NPAS3: variants seen among roughly 807,000 people sequenced by gnomAD.
The protein encoded by NPAS3 is neuronal PAS domain protein 3.
Under a neutral mutation model 73.1 loss-of-function variants are expected in NPAS3, and 14 were observed. That is an observed-to-expected ratio of 0.19 (90% CI 0.13 to 0.30). The LOEUF is 0.30. Ranked by LOEUF, NPAS3 falls within the 10% of genes least tolerant of loss-of-function variation. The pLI is 1.00. For synonymous variants in NPAS3, 620 were observed against 541.5 expected (o/e 1.14, Z -2.01); for missense variants, 1,096 against 1,250.0 (o/e 0.88, Z 1.86).
intron 2 of NPAS3, among the ~76,000 whole-genome samples, chr14:33,178,666 A>G (rs2045686122): frequency 6.6e-6 from 1 of 152,104 alleles, no homozygotes; most frequent in African/African-American, 2.4e-5. Flanking sequence ...TTGTCTGTAG[A>G]TCTTGTAACC....
intron 5 of NPAS3, among the ~76,000 whole-genome samples, chr14:33,656,753 T>C (rs1165360973): frequency 2.0e-5 from 3 of 152,218 alleles, no homozygotes. Flanking sequence ...AAATTTTAAA[T>C]ATACAATACA....
upstream of NPAS3, among the ~76,000 whole-genome samples, chr14:32,937,310 A>T (rs1215718500): frequency 2.0e-5 from 3 of 152,126 alleles, no homozygotes; most frequent in African/African-American, 7.2e-5. Context: ...CCAAAAAATT[A>T]TTTTTAAGTA....
rs576132874 is a variant in NPAS3 at position 33,446,224 on chromosome 14, G to A, written c.468+78956G>A. The stretch of plus-strand genomic sequence containing the variant: ...CGCTCTGTCGCCCAGGCCGGACTGC[G>A]GACTGCAGTGGCGCAATCTCGGCTC... On this transcript the variant is annotated intron_variant, in intron 4 of 11. Transcript: ENST00000356141. Among the ~76,000 whole-genome samples the A allele has an allele frequency of 5.2e-4, 74 of 142,624 alleles. 1 individual carries two copies. The highest frequency in any genetic ancestry group is 1.7e-3 in the African/African-American group (66 of 38,064). The allele number at this position is 142,624 out of a possible 152,430, so 93.6% of individuals were successfully genotyped here. A position where few individuals can be genotyped will look rare whatever the true frequency, so the allele number is the denominator to read the frequency against.
At chr14:32,964,584 G>T (rs113121883) in intron 1 of NPAS3, among the ~76,000 whole-genome samples, 1 of 152,192 alleles carries the variant, frequency 6.6e-6, no homozygotes, top group African/African-American at 2.4e-5. Context: ...AAATTCTGAA[G>T]ATTTAATAGA....
At chr14:33,319,076 G>A (rs1201104574) in intron 3 of NPAS3, among the ~76,000 whole-genome samples, 1 of 151,662 alleles carries the variant, frequency 6.6e-6, no homozygotes, top group Non-Finnish European at 1.5e-5. Flanking sequence ...CCTGGCACAT[G>A]GGCTGGGCTT....
intron 5 of NPAS3, among the ~76,000 whole-genome samples, chr14:33,587,810 A>G (rs989050669): frequency 3.9e-5 from 6 of 152,226 alleles, no homozygotes; most frequent in Admixed American, 3.9e-4. Context: ...CAAATCATAA[A>G]TTATCATATA....
intron 1 of NPAS3, among the ~76,000 whole-genome samples, chr14:32,960,506 A>G (rs2139217066): frequency 6.6e-6 from 1 of 152,334 alleles, no homozygotes; most frequent in Admixed American, 6.5e-5. Context: ...ACCACAGTGG[A>G]ATGTCAAATT....
chr14:33,255,268 C>T (rs889806532), intron 3 of NPAS3, among the ~76,000 whole-genome samples: 2 of 152,166 alleles, frequency 1.3e-5, no homozygotes, highest in South Asian at 2.1e-4. Context: ...TCAGAAGATA[C>T]CCTGCCAGTG....
intron 7 of NPAS3, among the ~76,000 whole-genome samples, chr14:33,740,980 T>C (rs1322734137): frequency 6.6e-6 from 1 of 152,144 alleles, no homozygotes; most frequent in African/African-American, 2.4e-5. Context: ...CTGATTCTTA[T>C]GGAGTTTTAA....
At position 33,728,305 on chromosome 14, in the gene NPAS3, G is replaced by T. The variant is rs560355918; in HGVS notation, c.734-6909G>T. 6.0e-4 allele frequency among the ~76,000 whole-genome samples: 92 copies of T among 152,224 alleles called. 1 individual carries two copies. In the South Asian group the frequency reaches 0.018, roughly 30 times the overall value. ...GGCAGACTATTATTTTCATATTTTA[G>T]GTGGGTTATTTTTAACGTTACTGTT... is the stretch of plus-strand genomic sequence containing the variant. On this transcript the variant is annotated intron_variant, in intron 6 of 11. Transcript: ENST00000356141.
intron 3 of NPAS3, among the ~76,000 whole-genome samples, chr14:33,241,585 A>G (rs747166087): frequency 6.6e-6 from 1 of 151,984 alleles, no homozygotes; most frequent in Non-Finnish European, 1.5e-5. Context: ...ACATTTTGCT[A>G]TTACAAGTAA....
intron 5 of NPAS3, among the ~76,000 whole-genome samples, chr14:33,622,071 G>A (rs1367214294): frequency 6.6e-6 from 1 of 152,168 alleles, no homozygotes; most frequent in East Asian, 1.9e-4. Flanking sequence ...GAAATGATGT[G>A]AAGTGGCAAT....
intron 1 of NPAS3, among the ~76,000 whole-genome samples, chr14:33,052,108 T>C (rs990959644): frequency 2.0e-5 from 3 of 152,192 alleles, no homozygotes; most frequent in African/African-American, 7.2e-5. Context: ...AAATTATAAG[T>C]AGGTTTTGAA....
intron 2 of NPAS3, among the ~76,000 whole-genome samples, chr14:33,137,497 A>G (rs1403496556): frequency 1.3e-5 from 2 of 152,190 alleles, no homozygotes; most frequent in African/African-American, 2.4e-5. Flanking sequence ...AGGCCATTAT[A>G]ATTGGTACTA....
intron 6 of NPAS3, among the ~76,000 whole-genome samples, chr14:33,732,717 G>A (rs934000740): frequency 1.3e-5 from 2 of 152,246 alleles, no homozygotes; most frequent in East Asian, 1.9e-4. Flanking sequence ...AGGCAAAACC[G>A]ACCTTAACAC....
chr14:33,064,312 G>T (rs561414905), intron 2 of NPAS3, among the ~76,000 whole-genome samples: 29 of 152,238 alleles, frequency 1.9e-4, no homozygotes, highest in African/African-American at 7.0e-4. Flanking sequence ...TTAATGAGAA[G>T]ATAAACAATT....
chr14:33,343,899 C>T (rs1268988006), intron 3 of NPAS3, among the ~76,000 whole-genome samples: 6 of 152,182 alleles, frequency 3.9e-5, no homozygotes, highest in South Asian at 2.1e-4. Context: ...CCACTCAAAA[C>T]TTGTCGCCTC....
At chr14:33,070,064 T>C (rs2041430347) in intron 2 of NPAS3, among the ~76,000 whole-genome samples, 1 of 152,196 alleles carries the variant, frequency 6.6e-6, no homozygotes, top group South Asian at 2.1e-4. Flanking sequence ...AATGTTTTCT[T>C]ATTATTTTTT....
At position 33,254,760 on chromosome 14, in the gene NPAS3, T is replaced by G. The variant is rs193182148; in HGVS notation, c.385+39334T>G. Among the ~76,000 whole-genome samples the G allele has an allele frequency of 1.8e-3, 275 of 152,274 alleles. 1 individual carries two copies. Among genetic ancestry groups the G allele is most frequent in the Non-Finnish European group, 2.9e-3 (196 of 68,008 alleles). ...GGAGCAGACTACAGAATCAGTCACA[T>G]TTTTCATTGGCCAAAATTCTAGAGG... On this transcript the variant is annotated intron_variant, in intron 3 of 11. Coordinates refer to ENST00000356141, the Ensembl canonical transcript of NPAS3.
Sources: allele counts gnomAD v4.1 joint callset (sites outside exome capture counted in the v4.1 genomes callset), GRCh38; gene constraint gnomAD v4.1.1; transcripts MANE v1.5; gene names NCBI Gene and HGNC (gene_info 2026-07-23, HGNC 2026-07-21).